CSNK1G1: variants seen among roughly 807,000 people sequenced by gnomAD.
CSNK1G1 encodes casein kinase I isoform gamma-1.
CSNK1G1 carries 22 observed loss-of-function variants against 59.6 expected under a neutral mutation model. That is an observed-to-expected ratio of 0.37 (90% CI 0.26 to 0.53). CSNK1G1 has a LOEUF of 0.53. Ranked by LOEUF, CSNK1G1 falls within the 20% of genes least tolerant of loss-of-function variation. CSNK1G1 has a pLI of 0.89. For missense variants in CSNK1G1, 384 were observed against 519.5 expected, an observed-to-expected ratio of 0.74 and a Z score of 2.54; for synonymous variants, 179 against 177.1, an observed-to-expected ratio of 1.01 and a Z score of -0.08.
rs1404696218 is a variant in CSNK1G1, at chr15:64,327,510, G to A, written c.-224-26787C>T. Among the ~76,000 whole-genome samples the A allele has an allele frequency of 7.3e-4, 102 of 140,136 alleles. No individual in the cohort carries two copies. The East Asian group carries it at 0.016, about 22-fold the overall frequency. 91.9% of individuals were successfully genotyped at this position (140,136 alleles called of 152,430 possible). A position where few individuals can be genotyped will look rare whatever the true frequency, so the allele number is the denominator to read the frequency against. ...AACAAACAGAAAGGACATCCACACCGAAAACCCATCTGTACATCACCATCA... is the reference window on the plus strand; with the variant it reads ...AACAAACAGAAAGGACATCCACACCAAAAACCCATCTGTACATCACCATCA... On this transcript the variant is annotated intron_variant, in intron 1 of 11. Coordinates refer to ENST00000303052, the MANE Select transcript of CSNK1G1 (RefSeq NM_022048.5).
chr15:64,312,495 G>A (rs2140424251), intron 1 of CSNK1G1, among the ~76,000 whole-genome samples: 1 of 152,302 alleles, frequency 6.6e-6, no homozygotes, highest in Non-Finnish European at 1.5e-5. Flanking sequence ...ACAATAACCA[G>A]AAATGGGGAA....
At chr15:64,314,544 C>T (rs1251802319) in intron 1 of CSNK1G1, among the ~76,000 whole-genome samples, 3 of 145,252 alleles carry the variant, frequency 2.1e-5, no homozygotes, top group Non-Finnish European at 4.5e-5. Flanking sequence ...AAACTATCTT[C>T]ACCACACTGT....
intron 2 of CSNK1G1, among the ~76,000 whole-genome samples, chr15:64,283,937 T>C (rs1566933199): frequency 6.6e-6 from 1 of 152,216 alleles, no homozygotes; most frequent in Non-Finnish European, 1.5e-5. Flanking sequence ...TTCATCCTTA[T>C]GTTTGTTTTT....
At chr15:64,204,679 T>C in intron 8 of CSNK1G1, 90 bp from the exon 9 acceptor site, 2 of 1,379,926 alleles carry the variant, frequency 1.4e-6, no homozygotes, top group Non-Finnish European at 2.0e-6. Context: ...AGGGGTTATT[T>C]ATACAGACAA....
chr15:64,178,110 A>C (rs1189868105), intron 11 of CSNK1G1, among the ~76,000 whole-genome samples: 1 of 152,176 alleles, frequency 6.6e-6, no homozygotes, highest in African/African-American at 2.4e-5. Context: ...CCAGACTCAG[A>C]CATTTGTATT....
intron 2 of CSNK1G1, among the ~76,000 whole-genome samples, chr15:64,261,890 C>T (rs867117079): frequency 4.1e-5 from 6 of 148,002 alleles, no homozygotes; most frequent in Non-Finnish European, 5.9e-5. Flanking sequence ...TGCAGTGAGC[C>T]GAGATCGCAC....
At chr15:64,334,417 A>G (rs1897269271) in intron 1 of CSNK1G1, among the ~76,000 whole-genome samples, 2 of 152,068 alleles carry the variant, frequency 1.3e-5, no homozygotes, top group African/African-American at 4.8e-5. Context: ...GCAGGGGGGA[A>G]TGGTTTAGGG....
At chr15:64,229,939 T>TTTTTTTTTTTTTTTTTTTTTA (rs768405168) in intron 4 of CSNK1G1, among the ~76,000 whole-genome samples, 1 of 121,544 alleles carries the variant, frequency 8.2e-6, no homozygotes, top group East Asian at 2.3e-4. Flanking sequence ...TTTTTTTTTT[T>TTTTTTTTTTTTTTTTTTTTTA]AAGACAGAAT....
chr15:64,297,853 A>G (rs899382364), intron 2 of CSNK1G1, among the ~76,000 whole-genome samples: 8 of 152,194 alleles, frequency 5.3e-5, no homozygotes, highest in African/African-American at 1.9e-4. Flanking sequence ...TGTAGTTTAC[A>G]ATCTTCTCCT....
intron 2 of CSNK1G1, among the ~76,000 whole-genome samples, chr15:64,298,581 T>C (rs1471280219): frequency 2.6e-5 from 4 of 152,204 alleles, no homozygotes; most frequent in African/African-American, 9.7e-5. Context: ...AAGTCCTGAA[T>C]TTCCAGGTTG....
chr15:64,172,269 G>A (rs2081679783), intron 11 of CSNK1G1, among the ~76,000 whole-genome samples: 1 of 152,208 alleles, frequency 6.6e-6, no homozygotes. Flanking sequence ...GGGTGAAGAA[G>A]GCTCATAGTT....
chr15:64,175,189 T>C (rs2081727476), intron 11 of CSNK1G1, among the ~76,000 whole-genome samples: 6 of 152,072 alleles, frequency 3.9e-5, no homozygotes, highest in Admixed American at 3.3e-4. Context: ...CCCCTAAGAC[T>C]ATAAATCTGA....
intron 2 of CSNK1G1, among the ~76,000 whole-genome samples, chr15:64,278,408 G>GTGTGTGTGTT (rs1893898620): frequency 7.6e-6 from 1 of 131,884 alleles, no homozygotes; most frequent in African/African-American, 3.4e-5. Flanking sequence ...GTGTGTGTGT[G>GTGTGTGTGTT]TGTGTGTGTG....
intron 4 of CSNK1G1, among the ~76,000 whole-genome samples, chr15:64,231,747 A>AT (rs916794183): frequency 1.3e-5 from 2 of 152,014 alleles, no homozygotes; most frequent in Non-Finnish European, 2.9e-5. Flanking sequence ...ATTAGAAACC[A>AT]TTTTTTCTTT....
chr15:64,241,826 C>T (rs1377859232), intron 4 of CSNK1G1, among the ~76,000 whole-genome samples: 1 of 146,742 alleles, frequency 6.8e-6, no homozygotes, highest in Non-Finnish European at 1.5e-5. Context: ...AAAAACAAGT[C>T]TAAATTCAGT....
rs572540333 is a variant in CSNK1G1, at chr15:64,207,854, C to T, written c.680-260G>A. ...TTAAAACCAAGCCCAAATCACTAAACAGTGAATTTCCACCCCTCACTCAAT... is the reference window on the plus strand; with the variant it reads ...TTAAAACCAAGCCCAAATCACTAAATAGTGAATTTCCACCCCTCACTCAAT... On this transcript the variant is annotated intron_variant, in intron 6 of 11. Coordinates refer to ENST00000303052, the MANE Select transcript of CSNK1G1 (RefSeq NM_022048.5). Among the ~76,000 whole-genome samples, 3 of 151,318 alleles carry T rather than the reference C, an allele frequency of 2.0e-5. No individual in the cohort carries two copies. In the South Asian group the frequency reaches 6.2e-4, roughly 31 times the overall value.
At chr15:64,261,925 G>C (rs965050252) in intron 2 of CSNK1G1, among the ~76,000 whole-genome samples, 1 of 123,206 alleles carries the variant, frequency 8.1e-6, no homozygotes, top group Non-Finnish European at 1.6e-5. Context: ...CTGGGCAACA[G>C]AGCAAGACTC....
chr15:64,270,419 A>G (rs1395403798), intron 2 of CSNK1G1, among the ~76,000 whole-genome samples: 1 of 151,964 alleles, frequency 6.6e-6, no homozygotes. Flanking sequence ...AGATCTTTCT[A>G]ACTTTTTGAT....
intron 10 of CSNK1G1, among the ~76,000 whole-genome samples, chr15:64,196,517 T>C (rs1444952004): frequency 6.6e-6 from 1 of 151,988 alleles, no homozygotes; most frequent in Admixed American, 6.6e-5. Flanking sequence ...AATGGCACGA[T>C]CTCGGCTCAC....
Sources: allele counts gnomAD v4.1 joint callset (sites outside exome capture counted in the v4.1 genomes callset), GRCh38; gene constraint gnomAD v4.1.1; transcripts MANE v1.5; gene names NCBI Gene and HGNC (gene_info 2026-07-23, HGNC 2026-07-21).